Variants in TFCP2L1 observed in about 807,000 individuals in gnomAD.
TFCP2L1 encodes the protein transcription factor CP2 like 1, also known as transcription factor CP2-like protein 1.
A neutral mutation model predicts 72.2 loss-of-function variants in TFCP2L1; 12 were observed. The ratio of observed to expected loss-of-function variants is 0.17; its 90% CI spans 0.11 to 0.27. The LOEUF (loss-of-function observed/expected upper bound fraction) is 0.27. Ranked by LOEUF, TFCP2L1 falls within the 10% of genes least tolerant of loss-of-function variation. The pLI, the probability that TFCP2L1 is intolerant of heterozygous loss-of-function variation, is 1.00. For missense variants in TFCP2L1, 488 were observed against 624.6 expected (o/e 0.78, Z 2.33); for synonymous variants, 260 against 251.0 (o/e 1.04, Z -0.34).
chr2:121,280,870 G>A (rs1215465960), intron 2 of TFCP2L1, among the ~76,000 whole-genome samples: 3 of 152,032 alleles, frequency 2.0e-5, no homozygotes, highest in Non-Finnish European at 4.4e-5. Context: ...GGCTATAGGA[G>A]GAATGCAGAG....
At chr2:121,259,697 G>A (rs1686796976) in intron 2 of TFCP2L1, among the ~76,000 whole-genome samples, 1 of 152,226 alleles carries the variant, frequency 6.6e-6, no homozygotes, top group African/African-American at 2.4e-5. Context: ...GCAAGTTGCT[G>A]AGTATGTACA....
chr2:121,240,916 C>T (rs1303840340), intron 7 of TFCP2L1, among the ~76,000 whole-genome samples: 4 of 152,230 alleles, frequency 2.6e-5, no homozygotes. Flanking sequence ...TTTACACTGT[C>T]TTCTTGCAAA....
chr2:121,243,495 G>A (rs1285765223), intron 6 of TFCP2L1, among the ~76,000 whole-genome samples: 1 of 152,208 alleles, frequency 6.6e-6, no homozygotes, highest in East Asian at 1.9e-4. Context: ...GTGAGCAGCA[G>A]GTGAGTGAGC....
intron 7 of TFCP2L1, among the ~76,000 whole-genome samples, 153 bp downstream of exon 7, chr2:121,242,206 A>C (rs1686387827): frequency 6.6e-6 from 1 of 152,048 alleles, no homozygotes; most frequent in Admixed American, 6.5e-5. Flanking sequence ...TATCAGATGA[A>C]CACGAGCTCC....
chr2:121,248,109 C>G, intron 5 of TFCP2L1, 55 bp downstream of exon 5: 1 of 1,522,318 alleles, frequency 6.6e-7, no homozygotes, highest in African/African-American at 1.4e-5. Context: ...AAACTGCACG[C>G]AGGCCACCCC....
intron 13 of TFCP2L1, among the ~76,000 whole-genome samples, chr2:121,231,019 G>C (rs2104665649): frequency 6.6e-6 from 1 of 152,292 alleles, no homozygotes; most frequent in East Asian, 1.9e-4. Flanking sequence ...CAATCCCTGG[G>C]TTCCCACCAT....
chr2:121,258,403 G>A (rs1009097604), intron 2 of TFCP2L1, among the ~76,000 whole-genome samples: 8 of 152,218 alleles, frequency 5.3e-5, no homozygotes, highest in African/African-American at 1.9e-4. Context: ...ATTCAAAGCA[G>A]CAGTACTGCT....
chr2:121,230,517 A>C (rs911129726), intron 13 of TFCP2L1, among the ~76,000 whole-genome samples: 1 of 151,486 alleles, frequency 6.6e-6, no homozygotes, highest in African/African-American at 2.4e-5. Context: ...GCAGGGGCTC[A>C]TGCCTGTAAT....
chr2:121,262,599 C>T (rs941546323), intron 2 of TFCP2L1, among the ~76,000 whole-genome samples: 4 of 152,162 alleles, frequency 2.6e-5, no homozygotes, highest in East Asian at 3.9e-4. Flanking sequence ...GCGTGGGATC[C>T]GGGAACAACG....
In TFCP2L1 at chr2:121,223,044, C is replaced by G. The variant is rs1233417620; in HGVS notation, c.*1297G>C. The G allele has an allele frequency of 6.6e-6, 1 of 152,174 alleles. No homozygotes were observed. The highest frequency in any genetic ancestry group is 1.5e-5 in the Non-Finnish European group (1 of 68,032). The allele number at this position is 152,174 out of a possible 1,614,324, so 9.4% of individuals were successfully genotyped here. On this transcript the variant is annotated 3_prime_UTR_variant, in exon 15 of 15. Coordinates refer to ENST00000263707, the MANE Select transcript of TFCP2L1 (RefSeq NM_014553.3). Reference sequence around the variant, plus strand: ...GGTTTCCTCATCTATAAAACAAGTTCTCCCCATTGTAGACCCTGTTTTATT... The same window carrying G: ...GGTTTCCTCATCTATAAAACAAGTTGTCCCCATTGTAGACCCTGTTTTATT...
intron 6 of TFCP2L1, among the ~76,000 whole-genome samples, chr2:121,243,406 C>T (rs986383803): frequency 1.2e-4 from 18 of 152,202 alleles, no homozygotes; most frequent in African/African-American, 4.3e-4. Context: ...GCATCTCTTA[C>T]AGCAGTGGTC....
At chr2:121,266,695 A>G (rs1241907383) in intron 2 of TFCP2L1, among the ~76,000 whole-genome samples, 1 of 152,164 alleles carries the variant, frequency 6.6e-6, no homozygotes, top group Non-Finnish European at 1.5e-5. Context: ...GAGGAAGTCT[A>G]TCACATCCCC....
intron 10 of TFCP2L1, 80 bp from the exon 11 acceptor site, chr2:121,235,391 T>G: frequency 1.1e-5 from 12 of 1,055,522 alleles, no homozygotes; most frequent in Middle Eastern, 2.1e-4. Context: ...GCAGACCCCA[T>G]AGCACTGGGG....
rs1685976457 is a variant in TFCP2L1 at position 121,224,098 on chromosome 2, C to T, written c.*243G>A. 1 of 579,624 alleles carries T rather than the reference C, an allele frequency of 1.7e-6. No individual in the cohort carries two copies. Among genetic ancestry groups the T allele is most frequent in the East Asian group, 2.9e-5 (1 of 35,046 alleles). The allele number at this position is 579,624 out of a possible 1,614,324, so 35.9% of individuals were successfully genotyped here. A position where few individuals can be genotyped will look rare whatever the true frequency, so the allele number is the denominator to read the frequency against. On this transcript the variant is annotated 3_prime_UTR_variant, in exon 15 of 15. Transcript: ENST00000263707. The stretch of plus-strand genomic sequence containing the variant: ...TCAGGGTTGGACCAATAGAAAAGAA[C>T]AAGGAACCATTCAAAATCTGGAGGC...
At chr2:121,239,488 G>C in intron 8 of TFCP2L1, 70 bp downstream of exon 8, 7 of 1,545,392 alleles carry the variant, frequency 4.5e-6, no homozygotes, top group Non-Finnish European at 6.3e-6. Context: ...GACCCAGAAA[G>C]GAAGACTAAG....
intron 2 of TFCP2L1, among the ~76,000 whole-genome samples, chr2:121,275,353 C>T (rs1335297137): frequency 3.1e-5 from 4 of 128,568 alleles, no homozygotes; most frequent in African/African-American, 1.2e-4. Flanking sequence ...GAGCCGAGAT[C>T]GCGCCACTGC....
At chr2:121,256,701 A>G (rs533319933) in intron 2 of TFCP2L1, among the ~76,000 whole-genome samples, 5 of 151,746 alleles carry the variant, frequency 3.3e-5, no homozygotes, top group African/African-American at 1.2e-4. Context: ...TGCTTGAACC[A>G]GGAGGCGGAG....
chr2:121,270,091 G>C (rs1364066200), intron 2 of TFCP2L1, among the ~76,000 whole-genome samples: 1 of 151,702 alleles, frequency 6.6e-6, no homozygotes, highest in Non-Finnish European at 1.5e-5. Context: ...CACATGAAAG[G>C]CAAAAAGAGT....
At chr2:121,281,432 C>T (rs189653505) in intron 1 of TFCP2L1, among the ~76,000 whole-genome samples, 161 bp from the exon 2 acceptor site, 1 of 152,210 alleles carries the variant, frequency 6.6e-6, no homozygotes, top group Admixed American at 6.5e-5. Context: ...TCGAATACTC[C>T]AGATGCTTTA....
Sources: allele counts gnomAD v4.1 joint callset (sites outside exome capture counted in the v4.1 genomes callset), GRCh38; gene constraint gnomAD v4.1.1; transcripts MANE v1.5; gene names NCBI Gene and HGNC (gene_info 2026-07-23, HGNC 2026-07-21).